The following GDAP1 variants were observed in gnomAD, a reference collection of about 807,000 sequenced individuals.
The protein encoded by GDAP1 is ganglioside induced differentiation associated protein 1.
In GDAP1, 34 loss-of-function variants were observed where a neutral mutation model predicts 40.1. The ratio of observed to expected loss-of-function variants is 0.85; its 90% confidence interval spans 0.64 to 1.13. The LOEUF is 1.13. Ranked by LOEUF, GDAP1 falls within the 50% of genes most tolerant of loss-of-function variation. The pLI, the probability that GDAP1 is intolerant of heterozygous loss-of-function variation, is 0.00. For synonymous variants in GDAP1, 170 were observed against 157.4 expected (o/e 1.08, Z -0.60); for missense variants, 374 against 433.7 (o/e 0.86, Z 1.22).
chr8:74,384,142 A>T (rs891618188), intron 2 of GDAP1, among the ~76,000 whole-genome samples: 1 of 152,182 alleles, frequency 6.6e-6, no homozygotes, highest in African/African-American at 2.4e-5. Context: ...TTTTAAAAAC[A>T]ATTTGTTGAA....
At chr8:74,460,805 G>A (rs1363835237) in intron 2 of GDAP1, among the ~76,000 whole-genome samples, 5 of 152,128 alleles carry the variant, frequency 3.3e-5, no homozygotes, top group African/African-American at 1.2e-4. Context: ...GAGAGAGAAT[G>A]AGAGAGAGGA....
At chr8:74,380,766 G>T (rs1809939001) in intron 2 of GDAP1, among the ~76,000 whole-genome samples, 1 of 152,058 alleles carries the variant, frequency 6.6e-6, no homozygotes, top group African/African-American at 2.4e-5. Flanking sequence ...GGACAATATT[G>T]CAGTTAAGGC....
At chr8:74,436,173 G>T (rs1051355717) in intron 2 of GDAP1, among the ~76,000 whole-genome samples, 1 of 152,138 alleles carries the variant, frequency 6.6e-6, no homozygotes, top group Non-Finnish European at 1.5e-5. Flanking sequence ...AGACTCAGAG[G>T]TAGACTCCCA....
chr8:74,399,526 G>T (rs1045566279), intron 2 of GDAP1, among the ~76,000 whole-genome samples: 1 of 146,834 alleles, frequency 6.8e-6, no homozygotes, highest in East Asian at 2.0e-4. Flanking sequence ...ATTTTTTGAA[G>T]GGTTTTTTGT....
At chr8:74,417,014 C>G (rs1272031243) in intron 2 of GDAP1, among the ~76,000 whole-genome samples, 2 of 148,296 alleles carry the variant, frequency 1.3e-5, no homozygotes, top group Non-Finnish European at 2.9e-5. Flanking sequence ...TCAGGTAGCC[C>G]TGGTGCTCGT....
intron 2 of GDAP1, among the ~76,000 whole-genome samples, chr8:74,404,928 C>T (rs1227917555): frequency 6.7e-6 from 1 of 149,996 alleles, no homozygotes; most frequent in Non-Finnish European, 1.5e-5. Flanking sequence ...AAAATCCATG[C>T]ATATCCTCCT....
At chr8:74,407,391 A>T (rs986694922) in intron 2 of GDAP1, among the ~76,000 whole-genome samples, 4 of 149,972 alleles carry the variant, frequency 2.7e-5, no homozygotes, top group South Asian at 2.1e-4. Flanking sequence ...CCCACCCTCA[A>T]TCTGCGTGGG....
intron 4 of GDAP1, among the ~76,000 whole-genome samples, chr8:74,362,563 C>G (rs1809421082): frequency 6.6e-6 from 1 of 152,212 alleles, no homozygotes; most frequent in African/African-American, 2.4e-5. Context: ...AACTCCTTCA[C>G]TCGGACTTCT....
intron 2 of GDAP1, among the ~76,000 whole-genome samples, chr8:74,486,445 T>A (rs1316651773): frequency 6.6e-6 from 1 of 152,194 alleles, no homozygotes; most frequent in East Asian, 1.9e-4. Flanking sequence ...GTGGTCAGAA[T>A]CTTATTTTAT....
intron 2 of GDAP1, among the ~76,000 whole-genome samples, chr8:74,470,605 A>G (rs1045575459): frequency 2.6e-5 from 4 of 152,230 alleles, no homozygotes; most frequent in African/African-American, 7.2e-5. Flanking sequence ...ATGGCTGCAT[A>G]GTATTTCATG....
downstream of GDAP1, among the ~76,000 whole-genome samples, chr8:74,367,998 G>C (rs893994166): frequency 2.0e-5 from 3 of 152,102 alleles, no homozygotes; most frequent in Non-Finnish European, 2.9e-5. Context: ...ATTCAAGTAG[G>C]GTGGTGTATC....
chr8:74,442,205 T>C (rs1456016663), intron 2 of GDAP1, among the ~76,000 whole-genome samples: 6 of 152,226 alleles, frequency 3.9e-5, no homozygotes, highest in Admixed American at 3.3e-4. Context: ...TTCAGATACA[T>C]TGGAGACAAT....
At chr8:74,393,201 A>C (rs1246840816) in intron 2 of GDAP1, among the ~76,000 whole-genome samples, 1 of 152,242 alleles carries the variant, frequency 6.6e-6, no homozygotes, top group Non-Finnish European at 1.5e-5. Flanking sequence ...TATCTAATTT[A>C]AATAGTTATT....
downstream of GDAP1, among the ~76,000 whole-genome samples, chr8:74,371,587 G>A (rs1809751275): frequency 6.6e-6 from 1 of 151,594 alleles, no homozygotes; most frequent in Non-Finnish European, 1.5e-5. Flanking sequence ...GTGAACCCGG[G>A]AGGCGGAGCT....
chr8:74,371,895 G>A (rs1461150665), intron 2 of GDAP1, among the ~76,000 whole-genome samples: 1 of 151,736 alleles, frequency 6.6e-6, no homozygotes, highest in Non-Finnish European at 1.5e-5. Flanking sequence ...TTTACATTAG[G>A]TATATCTCCT....
intron 2 of GDAP1, among the ~76,000 whole-genome samples, chr8:74,374,604 A>T (rs954749761): frequency 3.3e-5 from 5 of 152,240 alleles, no homozygotes; most frequent in Non-Finnish European, 5.9e-5. Context: ...CCCCAAAAGG[A>T]TAAATCAAGA....
intron 2 of GDAP1, among the ~76,000 whole-genome samples, chr8:74,378,080 A>T (rs941314306): frequency 6.6e-6 from 1 of 152,182 alleles, no homozygotes; most frequent in South Asian, 2.1e-4. Context: ...AACTTGTCCT[A>T]TGTCTGACAT....
chr8:74,403,938 A>AT (rs1205106789), intron 2 of GDAP1, among the ~76,000 whole-genome samples: 1 of 150,214 alleles, frequency 6.7e-6, no homozygotes, highest in Non-Finnish European at 1.5e-5. Flanking sequence ...AAATGTGTGA[A>AT]TAACCAGTCT....
chr8:74,365,886 T>C lies in GDAP1; in HGVS notation c.*1519T>C. 2.2e-6 allele frequency: 1 copy of C among 454,352 alleles called. No homozygotes were observed. The highest frequency in any genetic ancestry group is 1.6e-5 in the South Asian group (1 of 64,448). 28.1% of individuals were successfully genotyped at this position (454,352 alleles called of 1,614,324 possible). ...AAATTTGCACATGAGTGTGTTGTCA[T>C]ATGGAGTGTCTGAATCTGTTGCTGG... On this transcript the variant is annotated 3_prime_UTR_variant, in exon 6 of 6. Coordinates refer to ENST00000220822, the MANE Select transcript of GDAP1 (RefSeq NM_018972.4).
Sources: gnomAD v4.1 joint callset for allele counts (sites outside exome capture counted in the v4.1 genomes callset) on GRCh38, gnomAD v4.1.1 for gene constraint, MANE v1.5 for transcripts, NCBI Gene and HGNC (gene_info 2026-07-23, HGNC 2026-07-21) for gene names.